Variants in SEPTIN12 observed in about 807,000 individuals in gnomAD.
SEPTIN12 encodes septin 12, also known as septin-12.
SEPTIN12 carries 42 observed loss-of-function variants against 37.7 expected under a neutral mutation model. That is an observed-to-expected ratio of 1.11 (90% confidence interval 0.87 to 1.44). SEPTIN12 has a LOEUF of 1.44. Ranked by LOEUF, SEPTIN12 falls within the 40% of genes most tolerant of loss-of-function variation. The probability of loss-of-function intolerance (pLI) is 0.00; values close to 1 mark genes in which losing one functional copy is unlikely to be tolerated. For missense variants in SEPTIN12, 613 were observed against 479.2 expected (o/e 1.28, Z -2.61); for synonymous variants, 254 against 196.7 (o/e 1.29, Z -2.44).
chr16:4,778,401 A>G (rs1259598887), intron 8 of SEPTIN12, among the ~76,000 whole-genome samples: 4 of 152,232 alleles, frequency 2.6e-5, no homozygotes, highest in Non-Finnish European at 5.9e-5. Flanking sequence ...CTCTGTATCC[A>G]TGGGTGCCCA....
At chr16:4,783,818 C>A (rs118116570) in intron 5 of SEPTIN12, 52 bp from the exon 6 acceptor site, 1 of 1,602,862 alleles carries the variant, frequency 6.2e-7, no homozygotes, top group Non-Finnish European at 8.5e-7. Flanking sequence ...AGTGTATAAA[C>A]GACAGCAGCA....
chr16:4,781,575 T>C (rs2082371828), intron 7 of SEPTIN12, among the ~76,000 whole-genome samples: 1 of 152,102 alleles, frequency 6.6e-6, no homozygotes, highest in Admixed American at 6.6e-5. Context: ...CTGACTGATT[T>C]TTGTCTGAGA....
intron 8 of SEPTIN12, among the ~76,000 whole-genome samples, chr16:4,778,482 G>C (rs984050870): frequency 6.6e-5 from 10 of 152,212 alleles, no homozygotes; most frequent in African/African-American, 2.4e-4. Flanking sequence ...CGGATAGCAT[G>C]GGTGCTATAT....
At chr16:4,784,335 A>G (rs543179344) in intron 4 of SEPTIN12, 2 of 473,290 alleles carry the variant, frequency 4.2e-6, no homozygotes, top group Admixed American at 3.3e-5. Context: ...GGTGAGCATT[A>G]ACTGTATTAA....
intron 7 of SEPTIN12, among the ~76,000 whole-genome samples, chr16:4,781,211 A>T (rs1408412343): frequency 6.6e-6 from 1 of 151,750 alleles, no homozygotes; most frequent in Admixed American, 6.6e-5. Context: ...GTGAGCGGAG[A>T]TCACGCCACT....
chr16:4,787,505 C>T lies in SEPTIN12; in HGVS notation c.141G>A (p.Gly47=). 1 of 1,613,172 alleles carries T rather than the reference C, an allele frequency of 6.2e-7. No individual in the cohort carries two copies. Residue 47 remains glycine (G), a synonymous_variant, in exon 2 of 10, where the codon GGG becomes GGA. Transcript: ENST00000268231. Reference sequence around the variant, plus strand: ...CCACCACCATGATGTTGAACTCAAACCCCATCTTCATAGCCTTGATCTTCA... The same window carrying T: ...CCACCACCATGATGTTGAACTCAAATCCCATCTTCATAGCCTTGATCTTCA... ...DQLKIKAMKM[G]FEFNIMVVGQ...
intron 2 of SEPTIN12, 110 bp downstream of exon 2, chr16:4,787,370 G>T (rs2082471916): frequency 2.1e-6 from 2 of 951,040 alleles, no homozygotes; most frequent in Non-Finnish European, 3.4e-6. Context: ...CTATTATCAG[G>T]CCCACCTAAG....
In SEPTIN12 at chr16:4,779,769, G is replaced by A. The variant is rs147729577; in HGVS notation, c.744C>T (p.Ala248=). ...NSKLRDRIPF[A]VVGADQEHLV... is the part of the protein sequence containing the mutation. ...GGTGCTCTTGGTCAGCCCCTACCAC[G>A]GCAAAAGGGATTCGGTCCTGGGAAA... The change falls in exon 8 of 10, where the codon GCC becomes GCT. Residue 248 remains alanine, a synonymous_variant. Coordinates refer to ENST00000268231, the MANE Select transcript of SEPTIN12 (RefSeq NM_144605.5). The A allele has an allele frequency of 3.7e-4, 593 of 1,611,958 alleles. 2 individuals are homozygous for A. The highest frequency in any genetic ancestry group is 4.7e-4 in the Non-Finnish European group (557 of 1,178,230).
chr16:4,781,811 A>ATT, intron 7 of SEPTIN12, among the ~76,000 whole-genome samples: 3 of 151,044 alleles, frequency 2.0e-5, no homozygotes, highest in Non-Finnish European at 2.9e-5. Context: ...CACCCGGCTA[A>ATT]TTTTGTATTT....
Position 4,777,738 on chromosome 16 carries a change from T to C in SEPTIN12, c.*59A>G, listed in dbSNP as rs1478225295. On this transcript the variant is annotated 3_prime_UTR_variant, in exon 10 of 10. Transcript: ENST00000268231. ...TTTAATAGATGCTCTGGTACATAGG[T>C]GTGTGTTGAGAGCCGCTGGGGACTC... is the stretch of plus-strand genomic sequence containing the variant. 43 of 1,157,262 alleles carry C rather than the reference T, an allele frequency of 3.7e-5. No homozygotes were observed. The highest frequency in any genetic ancestry group is 2.9e-4 in the Middle Eastern group (1 of 3,396). The allele number at this position is 1,157,262 out of a possible 1,614,324, so 71.7% of individuals were successfully genotyped here. A position where few individuals can be genotyped will look rare whatever the true frequency, so the allele number is the denominator to read the frequency against.
chr16:4,785,877 TCTC>T lies in SEPTIN12; in HGVS notation c.301_303del (p.Glu101del), dbSNP rs759532691. On this transcript the variant is annotated inframe_deletion, in exon 4 of 10. Coordinates refer to ENST00000268231, the MANE Select transcript of SEPTIN12 (RefSeq NM_144605.5). ...ACCGTCAGCTTCAGCTTCACACCCT[TCTC>T]CTCTATGACTGTGGAGGGAGAGCAG... is the stretch of plus-strand genomic sequence containing the variant. 5.0e-6 allele frequency: 8 copies of T among 1,605,184 alleles called. No homozygotes were observed. The highest frequency in any genetic ancestry group is 2.7e-5 in the African/African-American group (2 of 73,624).
chr16:4,787,751 A>C lies in SEPTIN12; in HGVS notation c.-22-84T>G. 4.7e-6 allele frequency: 3 copies of C among 641,120 alleles called. No individual in the cohort carries two copies. The Admixed American group carries it at 8.5e-5, about 18-fold the overall frequency. The allele number at this position is 641,120 out of a possible 1,614,324, so 39.7% of individuals were successfully genotyped here. ...CCTCTCCTATCTGAACCCCTATTTG[A>C]GCTTGGCCGTTGGCCAACCCCCTCC... is the stretch of plus-strand genomic sequence containing the variant. On this transcript the variant is annotated intron_variant, in intron 1 of 9. Coordinates refer to ENST00000268231, the MANE Select transcript of SEPTIN12 (RefSeq NM_144605.5).
intron 7 of SEPTIN12, 157 bp downstream of exon 7, chr16:4,783,305 T>C (rs772138116): frequency 1.5e-6 from 1 of 658,482 alleles, no homozygotes; most frequent in Non-Finnish European, 2.7e-6. Context: ...TGAGCTGTTA[T>C]TTCTTGCTCA....
chr16:4,784,621 T>TACACAAAC (rs2082413793), intron 4 of SEPTIN12, among the ~76,000 whole-genome samples: 1 of 90,156 alleles, frequency 1.1e-5, no homozygotes, highest in Non-Finnish European at 2.7e-5. Context: ...AATACACAAA[T>TACACAAAC]TAGCTCGGTG....
At chr16:4,783,380 G>A in intron 7 of SEPTIN12, 82 bp downstream of exon 7, 2 of 1,038,032 alleles carry the variant, frequency 1.9e-6, no homozygotes, top group Non-Finnish European at 3.0e-6. Context: ...TCCCTGAGAT[G>A]TAGAGAAAGA....
chr16:4,784,994 C>T (rs890915068), intron 4 of SEPTIN12, among the ~76,000 whole-genome samples: 1 of 151,948 alleles, frequency 6.6e-6, no homozygotes, highest in African/African-American at 2.4e-5. Flanking sequence ...CACCTGTAAT[C>T]CCAGCACTTT....
rs1013118511 is a variant in SEPTIN12 at position 4,777,649 on chromosome 16, G to T, written c.*148C>A. On this transcript the variant is annotated 3_prime_UTR_variant, in exon 10 of 10. Coordinates refer to ENST00000268231, the MANE Select transcript of SEPTIN12 (RefSeq NM_144605.5). ...CCTTTTTATTTGTGGATAGCTCAAA[G>T]AAGTCATTTACAAAATGCCTTTTGT... 4.6e-6 allele frequency: 3 copies of T among 646,574 alleles called. No individual in the cohort carries two copies. Among genetic ancestry groups the T allele is most frequent in the East Asian group, 2.8e-5 (1 of 35,676 alleles). 40.1% of individuals were successfully genotyped at this position (646,574 alleles called of 1,614,324 possible).
At chr16:4,783,811 G>A (rs1348041275) in intron 5 of SEPTIN12, 45 bp from the exon 6 acceptor site, 15 of 1,572,384 alleles carry the variant, frequency 9.5e-6, no homozygotes, top group African/African-American at 1.3e-5. Context: ...GGTGGTGAGT[G>A]TATAAACGAC....
chr16:4,784,916 C>G (rs1201599328), intron 4 of SEPTIN12, among the ~76,000 whole-genome samples: 1 of 152,022 alleles, frequency 6.6e-6, no homozygotes, highest in Non-Finnish European at 1.5e-5. Flanking sequence ...TCGAGACCAG[C>G]CTGGCCAACA....
Sources: allele counts gnomAD v4.1 joint callset (sites outside exome capture counted in the v4.1 genomes callset), GRCh38; gene constraint gnomAD v4.1.1; transcripts MANE v1.5; gene names NCBI Gene and HGNC (gene_info 2026-07-23, HGNC 2026-07-21).